Variants in UVRAG observed in about 807,000 individuals in gnomAD.
UVRAG encodes the protein UV radiation resistance associated.
UVRAG carries 19 observed loss-of-function variants against 78.0 expected under a neutral mutation model. That is an observed-to-expected ratio of 0.24 (90% CI 0.17 to 0.36). UVRAG has a LOEUF of 0.36. UVRAG is among the 10% of genes least tolerant of loss of function. The pLI is 1.00. For missense variants in UVRAG, 740 were observed against 853.8 expected (o/e 0.87, Z 1.66); for synonymous variants, 323 against 324.6 (o/e 1.00, Z 0.05).
intron 13 of UVRAG, among the ~76,000 whole-genome samples, chr11:76,075,137 T>A (rs1951380752): frequency 6.6e-6 from 1 of 152,232 alleles, no homozygotes; most frequent in Non-Finnish European, 1.5e-5. Context: ...TTTATTTTCA[T>A]AATTCTTGGA....
At chr11:76,063,134 C>T (rs973905268) in intron 12 of UVRAG, among the ~76,000 whole-genome samples, 4 of 152,064 alleles carry the variant, frequency 2.6e-5, no homozygotes, top group African/African-American at 4.8e-5. Context: ...ATATTTATTG[C>T]GTTCTGCTAG....
intron 4 of UVRAG, among the ~76,000 whole-genome samples, chr11:75,887,425 T>TACCGG (rs1947104909): frequency 7.0e-6 from 1 of 143,448 alleles, no homozygotes; most frequent in Non-Finnish European, 1.5e-5. Flanking sequence ...GATTACAGGC[T>TACCGG]TGAACCAGCG....
intron 12 of UVRAG, among the ~76,000 whole-genome samples, chr11:76,044,953 G>T (rs1950720710): frequency 6.6e-6 from 1 of 152,158 alleles, no homozygotes; most frequent in Admixed American, 6.5e-5. Flanking sequence ...TCGCAAGGGG[G>T]AAGGTTAAGA....
intron 4 of UVRAG, among the ~76,000 whole-genome samples, chr11:75,888,585 G>C (rs1210074373): frequency 6.6e-6 from 1 of 152,220 alleles, no homozygotes; most frequent in Non-Finnish European, 1.5e-5. Flanking sequence ...GTTTGTGAAA[G>C]ATATGTGAGT....
intron 1 of UVRAG, among the ~76,000 whole-genome samples, chr11:75,844,050 A>G (rs780879133): frequency 2.6e-5 from 4 of 151,906 alleles, no homozygotes; most frequent in Non-Finnish European, 5.9e-5. Flanking sequence ...GGGAGAATAT[A>G]ATGTGCTGAT....
At chr11:76,021,213 T>C (rs1950240722) in intron 12 of UVRAG, among the ~76,000 whole-genome samples, 1 of 152,202 alleles carries the variant, frequency 6.6e-6, no homozygotes, top group African/African-American at 2.4e-5. Flanking sequence ...GGTTCTTATG[T>C]AGGTGCTTTT....
intron 5 of UVRAG, among the ~76,000 whole-genome samples, chr11:75,894,116 TAACA>T (rs1947286621): frequency 6.6e-6 from 1 of 152,138 alleles, no homozygotes. Flanking sequence ...GACTGTAAGC[TAACA>T]AACAAAAATA....
intron 3 of UVRAG, among the ~76,000 whole-genome samples, chr11:75,875,025 T>G (rs916624319): frequency 1.3e-5 from 2 of 152,220 alleles, no homozygotes; most frequent in Non-Finnish European, 1.5e-5. Flanking sequence ...CATAGCTTAG[T>G]GGTCACCCAG....
chr11:75,835,104 A>G (rs546320081), intron 1 of UVRAG: 23 of 152,358 alleles, frequency 1.5e-4, no homozygotes, highest in African/African-American at 5.5e-4. Context: ...GAGACTGTTC[A>G]CTATATCCTC....
intron 14 of UVRAG, among the ~76,000 whole-genome samples, chr11:76,134,160 C>G (rs1475686413): frequency 6.6e-6 from 1 of 151,654 alleles, no homozygotes; most frequent in African/African-American, 2.4e-5. Context: ...GGGGTTTTGC[C>G]ATGTTGGCCA....
rs565239836 is a variant in UVRAG, at chr11:75,949,591, C to T, written c.594-11853C>T. On this transcript the variant is annotated intron_variant, in intron 6 of 14. Transcript: ENST00000356136. ...AAACTGTTGCTGCCGTGTTCTACAT[C>T]GCAGTAAATAGCATCACCATTTTTT... Among the ~76,000 whole-genome samples the T allele has an allele frequency of 3.0e-3, 458 of 151,958 alleles. 4 individuals are homozygous for T. Among genetic ancestry groups the T allele is most frequent in the African/African-American group, 0.01 (423 of 41,470 alleles).
At chr11:76,012,560 C>T (rs1234068275) in intron 11 of UVRAG, among the ~76,000 whole-genome samples, 1 of 151,978 alleles carries the variant, frequency 6.6e-6, no homozygotes, top group Non-Finnish European at 1.5e-5. Flanking sequence ...GAAGGAACTC[C>T]AAGCTGGTTA....
Position 76,143,715 on chromosome 11 carries a change from C to T in UVRAG, c.*2302C>T, listed in dbSNP as rs1591282049. On this transcript the variant is annotated 3_prime_UTR_variant, in exon 15 of 15. Coordinates refer to ENST00000356136, the MANE Select transcript of UVRAG (RefSeq NM_003369.4). ...TGGGATTACCCGTCTCCTGGAATAA[C>T]TGTTTGACGTTTTCCAAAGTTGTAG... 6.6e-6 allele frequency among the ~76,000 whole-genome samples: 1 copy of T among 152,352 alleles called. No homozygotes were observed. The highest frequency in any genetic ancestry group is 1.9e-4 in the East Asian group (1 of 5,194).
intron 6 of UVRAG, among the ~76,000 whole-genome samples, chr11:75,930,255 G>A (rs1948205738): frequency 6.6e-6 from 1 of 152,160 alleles, no homozygotes; most frequent in East Asian, 1.9e-4. Context: ...GTTCCATGGT[G>A]TTTTTTAACA....
At chr11:76,118,990 C>G (rs1390635910) in intron 14 of UVRAG, among the ~76,000 whole-genome samples, 2 of 151,636 alleles carry the variant, frequency 1.3e-5, no homozygotes, top group African/African-American at 2.4e-5. Flanking sequence ...AGATTTTTAA[C>G]TACTGATTTA....
Position 76,004,098 on chromosome 11 carries a change from A to G in UVRAG, c.911+9A>G. The G allele has an allele frequency of 6.2e-7, 1 of 1,613,388 alleles. No homozygotes were observed. Among genetic ancestry groups the G allele is most frequent in the Non-Finnish European group, 8.5e-7 (1 of 1,179,410 alleles). ...GAGTGCACTGCAAAAAGGTAAATGC[A>G]CACTGAGAAGAATTGCTGTGAGTGT... On this transcript the variant is annotated intron_variant, in intron 9 of 14. Transcript: ENST00000356136.
chr11:75,991,414 T>C (rs1482357916), intron 8 of UVRAG, among the ~76,000 whole-genome samples: 1 of 152,182 alleles, frequency 6.6e-6, no homozygotes, highest in Non-Finnish European at 1.5e-5. Context: ...TTTGACCTTT[T>C]CTAGTAAGAG....
intron 12 of UVRAG, among the ~76,000 whole-genome samples, chr11:76,026,477 A>G (rs1011074503): frequency 3.3e-5 from 5 of 152,284 alleles, no homozygotes; most frequent in Admixed American, 1.3e-4. Context: ...ATGGCATCCA[A>G]TTAAATCTGA....
chr11:75,981,027 A>G (rs372658889), intron 7 of UVRAG, among the ~76,000 whole-genome samples: 3 of 151,760 alleles, frequency 2.0e-5, no homozygotes, highest in African/African-American at 7.3e-5. Flanking sequence ...GGTTTCATTG[A>G]TTTTTCTGTA....
Sources: gnomAD v4.1 joint callset for allele counts (sites outside exome capture counted in the v4.1 genomes callset) on GRCh38, gnomAD v4.1.1 for gene constraint, MANE v1.5 for transcripts, NCBI Gene and HGNC (gene_info 2026-07-23, HGNC 2026-07-21) for gene names.